The following TUBD1 variants were observed in gnomAD, a reference collection of about 807,000 sequenced individuals.
The protein encoded by TUBD1 is tubulin delta chain.
In TUBD1, 38 loss-of-function variants were observed where a neutral mutation model predicts 51.2. That is an observed-to-expected ratio of 0.74 (90% CI 0.57 to 0.97). The LOEUF is 0.97. Among genes scored for constraint, TUBD1 ranks in the 50% least tolerant of loss-of-function variants. TUBD1 has a pLI of 0.00. For synonymous variants in TUBD1, 169 were observed against 178.2 expected, an observed-to-expected ratio of 0.95 and a Z score of 0.41; for missense variants, 489 against 538.4, an observed-to-expected ratio of 0.91 and a Z score of 0.91.
chr17:59,885,487 A>G (rs1717028284), intron 3 of TUBD1: 2 of 1,577,314 alleles, frequency 1.3e-6, no homozygotes, highest in African/African-American at 2.7e-5. Context: ...TCCTTACAAT[A>G]ATCTGTACCT....
At chr17:59,863,546 T>C in intron 8 of TUBD1, 118 bp downstream of exon 8, 3 of 738,768 alleles carry the variant, frequency 4.1e-6, no homozygotes, top group South Asian at 3.7e-5. Context: ...GAGGCGGAGG[T>C]TGCAGTGAGC....
intron 2 of TUBD1, among the ~76,000 whole-genome samples, 186 bp downstream of exon 2, chr17:59,890,645 T>C (rs576038931): frequency 6.6e-6 from 1 of 152,142 alleles, no homozygotes; most frequent in Admixed American, 6.6e-5. Flanking sequence ...ATTGGTGAGA[T>C]CTGAGCATGC....
chr17:59,881,476 T>C (rs546277528), intron 3 of TUBD1, among the ~76,000 whole-genome samples: 44 of 152,204 alleles, frequency 2.9e-4, no homozygotes, highest in Non-Finnish European at 5.1e-4. Flanking sequence ...TTACAGAGTA[T>C]AGAAAGTTCT....
At chr17:59,887,925 A>T (rs1260918727) in intron 2 of TUBD1, among the ~76,000 whole-genome samples, 2 of 149,374 alleles carry the variant, frequency 1.3e-5, no homozygotes, top group African/African-American at 4.9e-5. Flanking sequence ...CACTGTGCCC[A>T]GCTGTTAGAT....
chr17:59,861,956 G>A (rs964552979), intron 8 of TUBD1, among the ~76,000 whole-genome samples: 3 of 151,508 alleles, frequency 2.0e-5, no homozygotes, highest in Non-Finnish European at 4.4e-5. Context: ...GTGAGCCACT[G>A]CACCCAGCCT....
chr17:59,892,184 A>G (rs1302052081), intron 1 of TUBD1, among the ~76,000 whole-genome samples: 3 of 152,172 alleles, frequency 2.0e-5, no homozygotes, highest in Non-Finnish European at 2.9e-5. Context: ...AAGACCTGTA[A>G]GAAAGATTTT....
At chr17:59,872,512 A>C (rs1159903013) in intron 6 of TUBD1, among the ~76,000 whole-genome samples, 1 of 152,154 alleles carries the variant, frequency 6.6e-6, no homozygotes, top group East Asian at 1.9e-4. Flanking sequence ...CTGTACACAC[A>C]AAAAAATATA....
chr17:59,877,893 C>T (rs557477668), intron 5 of TUBD1, among the ~76,000 whole-genome samples: 5 of 152,014 alleles, frequency 3.3e-5, no homozygotes, highest in African/African-American at 1.2e-4. Flanking sequence ...GAGAAAGAAT[C>T]CTGAAGAGCA....
At chr17:59,866,553 C>A (rs1241668842) in intron 7 of TUBD1, 56 bp downstream of exon 7, 2 of 1,593,870 alleles carry the variant, frequency 1.3e-6, no homozygotes, top group Admixed American at 1.8e-5. Flanking sequence ...CCATTTGTAC[C>A]ATATAGCATG....
chr17:59,875,313 G>T (rs551365699), intron 5 of TUBD1, among the ~76,000 whole-genome samples: 1 of 151,388 alleles, frequency 6.6e-6, no homozygotes, highest in African/African-American at 2.4e-5. Flanking sequence ...CTGATCTCAT[G>T]ATCTGCCTGC....
At chr17:59,869,463 A>G (rs945561841) in intron 6 of TUBD1, among the ~76,000 whole-genome samples, 3 of 151,738 alleles carry the variant, frequency 2.0e-5, no homozygotes, top group South Asian at 2.1e-4. Flanking sequence ...TGACAGAGCA[A>G]GATTCTGTCC....
At chr17:59,887,812 T>G (rs957478199) in intron 2 of TUBD1, among the ~76,000 whole-genome samples, 1 of 152,104 alleles carries the variant, frequency 6.6e-6, no homozygotes, top group Admixed American at 6.6e-5. Flanking sequence ...TGTTTTTTTT[T>G]CTAGAGACAG....
chr17:59,886,629 CAAA>C (rs759725754), intron 2 of TUBD1: 3 of 22,856 alleles, frequency 1.3e-4, no homozygotes, highest in Non-Finnish European at 2.7e-4. Context: ...GATTCTGTCT[CAAA>C]AAAAAAAAAA....
intron 6 of TUBD1, among the ~76,000 whole-genome samples, chr17:59,867,860 C>A (rs747005573): frequency 6.6e-6 from 1 of 151,988 alleles, no homozygotes; most frequent in Non-Finnish European, 1.5e-5. Flanking sequence ...CCCCAATCAT[C>A]TTTGCTTCCT....
At chr17:59,869,266 G>A (rs1041536787) in intron 6 of TUBD1, among the ~76,000 whole-genome samples, 5 of 151,662 alleles carry the variant, frequency 3.3e-5, no homozygotes, top group African/African-American at 1.2e-4. Context: ...ACAAGGTCAG[G>A]AGTTCAAGAC....
At chr17:59,875,226 AC>A (rs1339034607) in intron 5 of TUBD1, among the ~76,000 whole-genome samples, 1 of 151,090 alleles carries the variant, frequency 6.6e-6, no homozygotes, top group Non-Finnish European at 1.5e-5. Context: ...ACAGGCACGT[AC>A]CACCAAGCCC....
chr17:59,884,855 G>A (rs2040646863), intron 3 of TUBD1: 1 of 167,980 alleles, frequency 6.0e-6, no homozygotes, highest in African/African-American at 2.4e-5. Flanking sequence ...CCCAGGAGAT[G>A]GAGGTTGCAC....
intron 2 of TUBD1, among the ~76,000 whole-genome samples, chr17:59,887,938 CTT>C (rs11361835): frequency 2.1e-4 from 31 of 144,680 alleles, no homozygotes; most frequent in East Asian, 4.1e-4. Context: ...TGTTAGATGT[CTT>C]TTTTTTTTTT....
At chr17:59,870,965 T>C (rs987419211) in intron 6 of TUBD1, among the ~76,000 whole-genome samples, 3 of 152,182 alleles carry the variant, frequency 2.0e-5, no homozygotes, top group Admixed American at 6.6e-5. Context: ...CAAAGACCCA[T>C]GTCAAGTACT....
Sources: allele counts gnomAD v4.1 joint callset (sites outside exome capture counted in the v4.1 genomes callset), GRCh38; gene constraint gnomAD v4.1.1; transcripts MANE v1.5; gene names NCBI Gene and HGNC (gene_info 2026-07-23, HGNC 2026-07-21).